The following PNPLA8 variants were observed in gnomAD, a reference collection of about 807,000 sequenced individuals.
PNPLA8 encodes calcium-independent phospholipase A2-gamma.
Under a neutral mutation model 76.9 loss-of-function variants are expected in PNPLA8, and 39 were observed. The observed-to-expected ratio is 0.51, with a 90% CI of 0.39 to 0.66. The LOEUF (loss-of-function observed/expected upper bound fraction) is 0.66. Ranked by LOEUF, PNPLA8 falls within the 30% of genes least tolerant of loss-of-function variation. PNPLA8 has a pLI of 0.00. For synonymous variants in PNPLA8, 301 were observed against 307.9 expected, an observed-to-expected ratio of 0.98 and a Z score of 0.24; for missense variants, 887 against 918.0, an observed-to-expected ratio of 0.97 and a Z score of 0.44.
chr7:108,479,103 C>T (rs1860203368), intron 10 of PNPLA8, 81 bp downstream of exon 10: 1 of 859,238 alleles, frequency 1.2e-6, no homozygotes, highest in African/African-American at 1.7e-5. Context: ...TATGCCTTTG[C>T]AGTTAGGACC....
chr7:108,507,623 G>A (rs1862556371), intron 4 of PNPLA8, among the ~76,000 whole-genome samples: 1 of 152,058 alleles, frequency 6.6e-6, no homozygotes, highest in Admixed American at 6.6e-5. Context: ...TCCAGCCTGG[G>A]TGACAGAGAC....
intron 9 of PNPLA8, among the ~76,000 whole-genome samples, chr7:108,482,487 TA>T (rs1311591647): frequency 6.6e-6 from 1 of 152,144 alleles, no homozygotes; most frequent in African/African-American, 2.4e-5. Flanking sequence ...AAATAAATAA[TA>T]AAATAGTTTA....
chr7:108,486,008 A>G (rs1186271728), intron 9 of PNPLA8, among the ~76,000 whole-genome samples: 2 of 152,108 alleles, frequency 1.3e-5, no homozygotes, highest in Non-Finnish European at 2.9e-5. Flanking sequence ...AAAATAAGTT[A>G]AAGGATTACG....
At chr7:108,490,634 A>G (rs1316241758) in intron 8 of PNPLA8, among the ~76,000 whole-genome samples, 1 of 152,050 alleles carries the variant, frequency 6.6e-6, no homozygotes, top group Non-Finnish European at 1.5e-5. Flanking sequence ...AATACAAAAA[A>G]TTAGCCGGGC....
At chr7:108,485,773 A>G (rs1330969359) in intron 9 of PNPLA8, among the ~76,000 whole-genome samples, 1 of 152,074 alleles carries the variant, frequency 6.6e-6, no homozygotes, top group Non-Finnish European at 1.5e-5. Context: ...CTTGGAAGAG[A>G]ATACAGAGTA....
chr7:108,500,738 C>T (rs1162262163), intron 5 of PNPLA8, among the ~76,000 whole-genome samples: 2 of 152,038 alleles, frequency 1.3e-5, no homozygotes, highest in African/African-American at 2.4e-5. Flanking sequence ...GGTGAAACCC[C>T]GTCTCTACTA....
intron 4 of PNPLA8, among the ~76,000 whole-genome samples, chr7:108,504,658 T>C (rs933937138): frequency 3.3e-5 from 5 of 152,182 alleles, no homozygotes; most frequent in Non-Finnish European, 7.3e-5. Context: ...ATGTCAAGAA[T>C]AGCCATGCCA....
Position 108,472,386 on chromosome 7 carries a change from A to G in PNPLA8, c.*15T>C. 2 of 1,515,018 alleles carry G rather than the reference A, an allele frequency of 1.3e-6. No homozygotes were observed. The highest frequency in any genetic ancestry group is 2.3e-5 in the East Asian group (1 of 44,228). The allele number at this position is 1,515,018 out of a possible 1,614,324, so 93.8% of individuals were successfully genotyped here. On this transcript the variant is annotated 3_prime_UTR_variant, in exon 11 of 11. Coordinates refer to ENST00000257694, the MANE Select transcript of PNPLA8 (RefSeq NM_001256007.3). ...TAAACAGACCTTCATTTATGAGAAC[A>G]TAAGCATATACTCATCACAATTTTG...
intron 10 of PNPLA8, among the ~76,000 whole-genome samples, chr7:108,473,222 T>C (rs1859748498): frequency 6.6e-6 from 1 of 152,236 alleles, no homozygotes; most frequent in Non-Finnish European, 1.5e-5. Context: ...CAAAATACTT[T>C]TGAGATTCAT....
intron 4 of PNPLA8, chr7:108,510,664 C>T (rs1862850458): frequency 6.3e-7 from 1 of 1,595,546 alleles, no homozygotes; most frequent in Non-Finnish European, 8.5e-7. Context: ...GGGGGTACCC[C>T]AATCTGAAGT....
intron 6 of PNPLA8, 68 bp downstream of exon 6, chr7:108,497,415 A>T: frequency 1.9e-6 from 2 of 1,077,268 alleles, no homozygotes; most frequent in Non-Finnish European, 2.8e-6. Flanking sequence ...GATCTTAAAC[A>T]TAAGTGCTTA....
Position 108,481,501 on chromosome 7 carries a change from TA to T in PNPLA8, c.1879-2123del, listed in dbSNP as rs147498945. Among the ~76,000 whole-genome samples the T allele has an allele frequency of 5.2e-3, 796 of 152,358 alleles. 3 individuals carry two copies. Among genetic ancestry groups the T allele is most frequent in the Non-Finnish European group, 8.6e-3 (588 of 68,032 alleles). On this transcript the variant is annotated intron_variant, in intron 9 of 10. Coordinates refer to ENST00000257694, the MANE Select transcript of PNPLA8 (RefSeq NM_001256007.3). ...TTCACACCCTCATTTGCCATCCCTTTATCCTCTGCTGAAGTGTCTGTTCAAG... is the reference window on the plus strand; with the variant it reads ...TTCACACCCTCATTTGCCATCCCTTTTCCTCTGCTGAAGTGTCTGTTCAAG...
rs557216043 is a variant in PNPLA8, at chr7:108,470,804, T to A, written c.*1597A>T. 6.6e-6 allele frequency: 1 copy of A among 152,280 alleles called. No individual in the cohort carries two copies. Among genetic ancestry groups the A allele is most frequent in the Non-Finnish European group, 1.5e-5 (1 of 68,016 alleles). The allele number at this position is 152,280 out of a possible 1,614,324, so 9.4% of individuals were successfully genotyped here. A position where few individuals can be genotyped will look rare whatever the true frequency, so the allele number is the denominator to read the frequency against. On this transcript the variant is annotated 3_prime_UTR_variant, in exon 11 of 11. Coordinates refer to ENST00000257694, the MANE Select transcript of PNPLA8 (RefSeq NM_001256007.3). ...ATGTTAGAAAATTTTACAGCTACCTTTCCTCATTTTACAAATGAGATATGC... is the reference window on the plus strand; with the variant it reads ...ATGTTAGAAAATTTTACAGCTACCTATCCTCATTTTACAAATGAGATATGC...
chr7:108,499,837 T>G (rs1302195808), intron 5 of PNPLA8, among the ~76,000 whole-genome samples: 2 of 152,210 alleles, frequency 1.3e-5, no homozygotes, highest in African/African-American at 4.8e-5. Context: ...AGATAAACTA[T>G]TTATTGGATA....
rs1399090248 is a variant in PNPLA8 at position 108,470,827 on chromosome 7, T to A, written c.*1574A>T. 1 of 152,188 alleles carries A rather than the reference T, an allele frequency of 6.6e-6. No individual in the cohort carries two copies. The highest frequency in any genetic ancestry group is 2.1e-4 in the South Asian group (1 of 4,830). 9.4% of individuals were successfully genotyped at this position (152,188 alleles called of 1,614,324 possible). Reference sequence around the variant, plus strand: ...CTTTCCTCATTTTACAAATGAGATATGCAAAGCCTACAGACATTTGCCTTC... The same window carrying A: ...CTTTCCTCATTTTACAAATGAGATAAGCAAAGCCTACAGACATTTGCCTTC... On this transcript the variant is annotated 3_prime_UTR_variant, in exon 11 of 11. Transcript: ENST00000257694.
chr7:108,497,728 T>C, intron 5 of PNPLA8, 151 bp from the exon 6 acceptor site: 1 of 445,008 alleles, frequency 2.2e-6, no homozygotes. Context: ...AAATTGCCTG[T>C]CCAAATTTTT....
At chr7:108,480,637 T>C in intron 9 of PNPLA8, 1 of 304,406 alleles carries the variant, frequency 3.3e-6, no homozygotes, top group Non-Finnish European at 7.0e-6. Flanking sequence ...TAGTTCAGTC[T>C]CCCACATATA....
In PNPLA8 at chr7:108,497,564, G is replaced by T; in HGVS notation, c.1372C>A (p.Leu458Ile). The T allele has an allele frequency of 6.2e-7, 1 of 1,600,732 alleles. No homozygotes were observed. The highest frequency in any genetic ancestry group is 1.7e-4 in the Middle Eastern group (1 of 6,016). ...TCAACTAATTTTCGTAGGGTCTGGA[G>T]AGCAACCACGCCCCTACAGAAAAGA... ...DGGGTRGVVA[L>I]QTLRKLVELT... The change falls in exon 6 of 11, where the codon CTC becomes ATC. Residue 458 changes from leucine (L) to isoleucine (I), a missense_variant. Leu to Ile is a conservative substitution (Grantham distance 5). Transcript: ENST00000257694.
At chr7:108,494,022 A>G (rs1165815459) in intron 7 of PNPLA8, among the ~76,000 whole-genome samples, 3 of 152,184 alleles carry the variant, frequency 2.0e-5, no homozygotes, top group Admixed American at 6.5e-5. Flanking sequence ...TGATGTTTCA[A>G]ATCAGTTAAA....
Sources: allele counts gnomAD v4.1 joint callset (sites outside exome capture counted in the v4.1 genomes callset), GRCh38; gene constraint gnomAD v4.1.1; transcripts MANE v1.5; gene names NCBI Gene and HGNC (gene_info 2026-07-23, HGNC 2026-07-21).